SLC39A9: variants seen among roughly 807,000 people sequenced by gnomAD.
The protein encoded by SLC39A9 is zinc transporter ZIP9.
SLC39A9 carries 14 observed loss-of-function variants against 28.4 expected under a neutral mutation model. That is an observed-to-expected ratio of 0.49 (90% CI 0.33 to 0.77). The LOEUF is 0.77. SLC39A9 is among the 30% of genes least tolerant of loss of function. The pLI is 0.02. For missense variants in SLC39A9, 283 were observed against 381.1 expected (o/e 0.74, Z 2.14); for synonymous variants, 119 against 149.6 (o/e 0.80, Z 1.49).
At chr14:69,434,350 C>G (rs1175424675) in intron 2 of SLC39A9, among the ~76,000 whole-genome samples, 1 of 151,302 alleles carries the variant, frequency 6.6e-6, no homozygotes, top group African/African-American at 2.4e-5. Flanking sequence ...TCCCAGAGTA[C>G]TGGGATTACA....
chr14:69,403,047 C>T (rs1882722548), intron 1 of SLC39A9, among the ~76,000 whole-genome samples: 1 of 151,910 alleles, frequency 6.6e-6, no homozygotes, highest in East Asian at 1.9e-4. Context: ...CACCATTGCA[C>T]TCCAGCCTGG....
At chr14:69,430,597 G>A (rs1884437410) in intron 2 of SLC39A9, among the ~76,000 whole-genome samples, 2 of 150,872 alleles carry the variant, frequency 1.3e-5, no homozygotes. Flanking sequence ...AAATCAAGTA[G>A]TGGAGTCCTT....
At chr14:69,402,525 G>T (rs1226564828) in intron 1 of SLC39A9, among the ~76,000 whole-genome samples, 1 of 151,866 alleles carries the variant, frequency 6.6e-6, no homozygotes. Context: ...AGTAGTGGTG[G>T]GGTCTACCTG....
At chr14:69,401,360 C>G (rs1882623517) in intron 1 of SLC39A9, among the ~76,000 whole-genome samples, 2 of 152,116 alleles carry the variant, frequency 1.3e-5, no homozygotes. Flanking sequence ...TGCTATGTTT[C>G]CTTTGACATA....
chr14:69,407,384 C>G (rs1412710779), intron 1 of SLC39A9, among the ~76,000 whole-genome samples: 1 of 148,768 alleles, frequency 6.7e-6, no homozygotes, highest in Non-Finnish European at 1.5e-5. Flanking sequence ...GTTGCCCAGG[C>G]TGGACTGCAA....
intron 3 of SLC39A9, among the ~76,000 whole-genome samples, chr14:69,442,839 G>T (rs1885111639): frequency 1.3e-5 from 2 of 152,186 alleles, no homozygotes; most frequent in Admixed American, 1.3e-4. Context: ...GAGGTAGTCT[G>T]TAACAAGGCA....
At chr14:69,433,899 C>G (rs974264641) in intron 2 of SLC39A9, among the ~76,000 whole-genome samples, 4 of 152,082 alleles carry the variant, frequency 2.6e-5, no homozygotes, top group African/African-American at 9.7e-5. Context: ...ATTCCAATGC[C>G]TCAGCCTCCC....
chr14:69,459,582 TTAGCAGATCAGCA>T lies in SLC39A9; in HGVS notation c.*990_*1002del. 1 of 976,100 alleles carries T rather than the reference TTAGCAGATCAGCA, an allele frequency of 1.0e-6. No homozygotes were observed. Among genetic ancestry groups the T allele is most frequent in the Non-Finnish European group, 1.2e-6 (1 of 821,740 alleles). 60.5% of individuals were successfully genotyped at this position (976,100 alleles called of 1,614,324 possible). The stretch of plus-strand genomic sequence containing the variant: ...TTTTTTTTTTTTTTAATTATTTCTC[TTAGCAGATCAGCA>T]ATCCCTCTAGGGACCTAAATACTAG... On this transcript the variant is annotated 3_prime_UTR_variant, in exon 7 of 7. Transcript: ENST00000336643.
Position 69,461,921 on chromosome 14 carries a change from A to G in SLC39A9, c.*3328A>G, listed in dbSNP as rs1886128479. The G allele has an allele frequency of 1.8e-6, 1 of 568,678 alleles. No individual in the cohort carries two copies. The highest frequency in any genetic ancestry group is 2.9e-6 in the Non-Finnish European group (1 of 339,084). The allele number at this position is 568,678 out of a possible 1,614,324, so 35.2% of individuals were successfully genotyped here. A position where few individuals can be genotyped will look rare whatever the true frequency, so the allele number is the denominator to read the frequency against. ...ATCCTCTGTAGTTGTTCTGCAGAGG[A>G]ACCTTCCTTCCATTAGAAAATTTCT... is the stretch of plus-strand genomic sequence containing the variant. On this transcript the variant is annotated 3_prime_UTR_variant, in exon 7 of 7. Coordinates refer to ENST00000336643, the MANE Select transcript of SLC39A9 (RefSeq NM_018375.5).
intron 2 of SLC39A9, among the ~76,000 whole-genome samples, chr14:69,433,484 A>G (rs752699149): frequency 6.6e-6 from 1 of 152,180 alleles, no homozygotes; most frequent in African/African-American, 2.4e-5. Context: ...TTTATATCCT[A>G]GAAGAGAATA....
At chr14:69,402,460 A>G (rs1049846070) in intron 1 of SLC39A9, among the ~76,000 whole-genome samples, 1 of 152,192 alleles carries the variant, frequency 6.6e-6, no homozygotes, top group African/African-American at 2.4e-5. Context: ...CAGATGATCA[A>G]TTATGGCAAG....
intron 1 of SLC39A9, among the ~76,000 whole-genome samples, chr14:69,416,240 C>T (rs1032848850): frequency 1.3e-5 from 2 of 152,062 alleles, no homozygotes; most frequent in Admixed American, 6.6e-5. Flanking sequence ...TCTGTCTTTC[C>T]GATAGTTTGC....
chr14:69,460,299 G>A lies in SLC39A9; in HGVS notation c.*1706G>A, dbSNP rs1886059191. 1 of 985,614 alleles carries A rather than the reference G, an allele frequency of 1.0e-6. No individual in the cohort carries two copies. The highest frequency in any genetic ancestry group is 1.2e-6 in the Non-Finnish European group (1 of 829,946). The allele number at this position is 985,614 out of a possible 1,614,324, so 61.1% of individuals were successfully genotyped here. A position where few individuals can be genotyped will look rare whatever the true frequency, so the allele number is the denominator to read the frequency against. ...CAGCAGCTGTGGAAATAAAGCTTGT[G>A]AGCCCTCTGCTGGCCACAGTGAGGA... On this transcript the variant is annotated 3_prime_UTR_variant, in exon 7 of 7. Transcript: ENST00000336643.
intron 1 of SLC39A9, among the ~76,000 whole-genome samples, chr14:69,408,033 AGATGGAGTCTTGCTCT>A (rs1344397191): frequency 6.7e-6 from 1 of 150,190 alleles, no homozygotes; most frequent in Non-Finnish European, 1.5e-5. Flanking sequence ...TCTTATTTTG[AGATGGAGTCTTGCTCT>A]GTTGCCCAGG....
chr14:69,443,682 C>T (rs544780232), intron 3 of SLC39A9, among the ~76,000 whole-genome samples: 216 of 151,984 alleles, frequency 1.4e-3, no homozygotes, highest in African/African-American at 4.9e-3. Flanking sequence ...CCAGCCTGGG[C>T]AACATGGCAA....
chr14:69,448,084 G>A (rs1295111521), intron 3 of SLC39A9, among the ~76,000 whole-genome samples: 3 of 151,400 alleles, frequency 2.0e-5, no homozygotes, highest in Non-Finnish European at 2.9e-5. Context: ...GCGTGTTGGC[G>A]GGCGTCTGTA....
At chr14:69,414,549 A>G (rs1303774316) in intron 1 of SLC39A9, among the ~76,000 whole-genome samples, 1 of 152,252 alleles carries the variant, frequency 6.6e-6, no homozygotes. Context: ...TGCCGTGAGG[A>G]AAGAAGCCTT....
chr14:69,440,562 GTGAAAGGGCCATACC>G (rs1192843044), intron 2 of SLC39A9, among the ~76,000 whole-genome samples: 1 of 152,150 alleles, frequency 6.6e-6, no homozygotes, highest in Non-Finnish European at 1.5e-5. Flanking sequence ...TCTAGTCTGG[GTGAAAGGGCCATACC>G]TGTCTCAAAA....
At chr14:69,422,123 A>C (rs1018345303) in intron 1 of SLC39A9, among the ~76,000 whole-genome samples, 1 of 152,210 alleles carries the variant, frequency 6.6e-6, no homozygotes, top group African/African-American at 2.4e-5. Flanking sequence ...AATTGTTCCT[A>C]TTCGGCCATC....
Sources: allele counts gnomAD v4.1 joint callset (sites outside exome capture counted in the v4.1 genomes callset), GRCh38; gene constraint gnomAD v4.1.1; transcripts MANE v1.5; gene names NCBI Gene and HGNC (gene_info 2026-07-23, HGNC 2026-07-21).